Variants in KCNMA1 observed in about 807,000 individuals in gnomAD.
KCNMA1 encodes Calcium-activated potassium channel subunit alpha-1.
Under a neutral mutation model 140.0 loss-of-function variants are expected in KCNMA1, and 29 were observed. The observed-to-expected ratio is 0.21, with a 90% CI of 0.15 to 0.28. KCNMA1 has a LOEUF of 0.28. KCNMA1 is among the 10% of genes least tolerant of loss of function. KCNMA1 has a pLI of 1.00. For missense variants in KCNMA1, 880 were observed against 1,602.2 expected, an observed-to-expected ratio of 0.55 and a Z score of 7.70; for synonymous variants, 612 against 611.9, an observed-to-expected ratio of 1.00 and a Z score of 0.00.
intron 1 of KCNMA1, among the ~76,000 whole-genome samples, chr10:77,629,892 A>T (rs1384536205): frequency 6.6e-6 from 1 of 152,184 alleles, no homozygotes; most frequent in Non-Finnish European, 1.5e-5. Context: ...CCTGCTGCAG[A>T]CACTCATGGT....
intron 20 of KCNMA1, among the ~76,000 whole-genome samples, chr10:76,954,994 GTTCC>G (rs1405366126): frequency 6.6e-6 from 1 of 152,124 alleles, no homozygotes; most frequent in Non-Finnish European, 1.5e-5. Flanking sequence ...GGAAGTCATT[GTTCC>G]TTCCTGCAAA....
intron 2 of KCNMA1, among the ~76,000 whole-genome samples, chr10:77,286,995 C>A (rs2071215930): frequency 6.6e-6 from 1 of 152,206 alleles, no homozygotes; most frequent in Admixed American, 6.5e-5. Context: ...ACGTTTCATA[C>A]TGAGCTATGG....
chr10:77,151,308 C>A (rs1172054822), intron 5 of KCNMA1, among the ~76,000 whole-genome samples: 2 of 147,476 alleles, frequency 1.4e-5, no homozygotes, highest in Non-Finnish European at 3.0e-5. Context: ...CTCACTGCAA[C>A]CTCCACCTCC....
chr10:77,238,494 T>C (rs1429595445), intron 3 of KCNMA1, among the ~76,000 whole-genome samples: 2 of 152,178 alleles, frequency 1.3e-5, no homozygotes, highest in Admixed American at 6.5e-5. Flanking sequence ...CCCCTTTTAG[T>C]GTTGTCTGTT....
At chr10:77,394,993 A>G (rs1025309351) in intron 2 of KCNMA1, among the ~76,000 whole-genome samples, 1 of 152,196 alleles carries the variant, frequency 6.6e-6, no homozygotes, top group African/African-American at 2.4e-5. Context: ...ATGGACGCTG[A>G]AATTTGAATT....
chr10:77,335,075 A>T (rs2088323656), intron 2 of KCNMA1, among the ~76,000 whole-genome samples: 4 of 152,176 alleles, frequency 2.6e-5, no homozygotes. Flanking sequence ...ACATCTCAGC[A>T]GGCACAGGAG....
At chr10:76,985,178 T>G (rs1393426877) in intron 19 of KCNMA1, among the ~76,000 whole-genome samples, 1 of 152,210 alleles carries the variant, frequency 6.6e-6, no homozygotes, top group African/African-American at 2.4e-5. Context: ...TTACCTGAAG[T>G]ATGGGTTATA....
chr10:77,493,586 C>G (rs2040718732), intron 1 of KCNMA1, among the ~76,000 whole-genome samples: 1 of 152,212 alleles, frequency 6.6e-6, no homozygotes, highest in Non-Finnish European at 1.5e-5. Flanking sequence ...GCTCATCACC[C>G]TCCTAGAGTT....
intron 2 of KCNMA1, among the ~76,000 whole-genome samples, chr10:77,382,986 G>GTATA (rs1304018219): frequency 1.7e-5 from 1 of 58,186 alleles, no homozygotes; most frequent in African/African-American, 7.8e-5. Flanking sequence ...GTGTGTGTGT[G>GTATA]TGTGTGTGTA....
intron 3 of KCNMA1, among the ~76,000 whole-genome samples, chr10:77,205,145 T>C (rs2043668185): frequency 6.6e-6 from 1 of 152,206 alleles, no homozygotes; most frequent in Non-Finnish European, 1.5e-5. Context: ...TACTATGCAG[T>C]GGGCACACAA....
intron 2 of KCNMA1, among the ~76,000 whole-genome samples, chr10:77,390,824 C>T (rs2095795199): frequency 6.6e-6 from 1 of 152,098 alleles, no homozygotes; most frequent in South Asian, 2.1e-4. Context: ...AGCCTCTGTC[C>T]CCTGAAATGC....
Position 76,885,674 on chromosome 10 carries a change from C to A in KCNMA1, c.*1592G>T. 1.0e-6 allele frequency: 1 copy of A among 985,294 alleles called. No homozygotes were observed. Among genetic ancestry groups the A allele is most frequent in the Non-Finnish European group, 1.2e-6 (1 of 829,874 alleles). 61.0% of individuals were successfully genotyped at this position (985,294 alleles called of 1,614,324 possible). On this transcript the variant is annotated 3_prime_UTR_variant, in exon 28 of 28. Coordinates refer to ENST00000286628, the MANE Select transcript of KCNMA1 (RefSeq NM_001161352.2). ...GTAAAACTTTTCAAATATGTATATA[C>A]CAGCCTAGTCCATCCATAAGGGAAA...
chr10:77,520,012 GAGGGC>G (rs1186027955), intron 1 of KCNMA1, among the ~76,000 whole-genome samples: 1 of 142,656 alleles, frequency 7.0e-6, no homozygotes. Context: ...TATGCAGTGT[GAGGGC>G]TGGGGTATGC....
chr10:77,025,578 A>T (rs919712022), intron 16 of KCNMA1: 5 of 799,506 alleles, frequency 6.3e-6, no homozygotes, highest in Non-Finnish European at 1.0e-5. Context: ...ATGTGAAAAC[A>T]AGGTTTTTTG....
chr10:77,558,088 C>G (rs2065158192), intron 1 of KCNMA1, among the ~76,000 whole-genome samples: 1 of 152,146 alleles, frequency 6.6e-6, no homozygotes, highest in African/African-American at 2.4e-5. Context: ...CAAATTTTCT[C>G]AAGTTCTCTT....
At chr10:77,524,552 G>A (rs1044916335) in intron 1 of KCNMA1, among the ~76,000 whole-genome samples, 6 of 152,146 alleles carry the variant, frequency 3.9e-5, no homozygotes, top group Admixed American at 2.0e-4. Flanking sequence ...TGCAGAAACC[G>A]CAGCCTGAAT....
At chr10:77,572,034 C>G (rs2071578417) in intron 1 of KCNMA1, among the ~76,000 whole-genome samples, 1 of 152,040 alleles carries the variant, frequency 6.6e-6, no homozygotes, top group Non-Finnish European at 1.5e-5. Flanking sequence ...TGAGGAGCAT[C>G]TGAAATGCTG....
intron 15 of KCNMA1, among the ~76,000 whole-genome samples, chr10:77,034,347 G>A (rs2094171851): frequency 6.6e-6 from 1 of 151,912 alleles, no homozygotes; most frequent in African/African-American, 2.4e-5. Context: ...ATAACAATTG[G>A]GTCTGCCTGG....
chr10:77,430,383 A>G (rs1338162345), intron 1 of KCNMA1, among the ~76,000 whole-genome samples: 7 of 151,796 alleles, frequency 4.6e-5, no homozygotes, highest in Admixed American at 1.3e-4. Context: ...GCTCCTTCCC[A>G]CTCTCCTGCC....
Sources: gnomAD v4.1 joint callset for allele counts (sites outside exome capture counted in the v4.1 genomes callset) on GRCh38, gnomAD v4.1.1 for gene constraint, MANE v1.5 for transcripts, NCBI Gene and HGNC (gene_info 2026-07-23, HGNC 2026-07-21) for gene names.